Variants in COL25A1 observed in about 807,000 individuals in gnomAD.
COL25A1 encodes collagen alpha-1(XXV) chain.
COL25A1 carries 103 observed loss-of-function variants against 128.4 expected under a neutral mutation model. That is an observed-to-expected ratio of 0.80 (90% confidence interval 0.68 to 0.94). COL25A1 has a LOEUF of 0.94. Among genes scored for constraint, COL25A1 ranks in the 40% least tolerant of loss-of-function variants. The probability of loss-of-function intolerance (pLI) is 0.00; values close to 1 mark genes in which losing one functional copy is unlikely to be tolerated. For missense variants in COL25A1, 745 were observed against 840.0 expected (o/e 0.89, Z 1.40); for synonymous variants, 279 against 277.2 (o/e 1.01, Z -0.06).
rs969055797 is a variant in COL25A1 at position 108,817,191 on chromosome 4, G to A, written c.1962+206C>T. Among the ~76,000 whole-genome samples, 5 of 152,282 alleles carry A rather than the reference G, an allele frequency of 3.3e-5. No individual in the cohort carries two copies. In the South Asian group the frequency reaches 1.0e-3, roughly 32 times the overall value. ...TCCAAAGAAAAGATTAGATAGGGAA[G>A]GTTCCAAATTGCAGTGTTTGCTAAG... On this transcript the variant is annotated intron_variant, in intron 37 of 37. Coordinates refer to ENST00000399132, the MANE Select transcript of COL25A1 (RefSeq NM_198721.4).
chr4:108,889,795 C>A, intron 16 of COL25A1, 62 bp from the exon 17 acceptor site: 5 of 1,450,902 alleles, frequency 3.4e-6, no homozygotes, highest in Non-Finnish European at 4.8e-6. Context: ...ATCACAAGCA[C>A]TCAGAGAGCC....
At chr4:109,146,998 C>CAA (rs145835975) in intron 3 of COL25A1, among the ~76,000 whole-genome samples, 3 of 151,206 alleles carry the variant, frequency 2.0e-5, no homozygotes, top group African/African-American at 7.3e-5. Flanking sequence ...GTGTAAAACC[C>CAA]AAAAAAAACA....
In COL25A1 at chr4:109,048,154, G is replaced by T. The variant is rs778141849; in HGVS notation, c.420+14C>A. On this transcript the variant is annotated intron_variant, in intron 5 of 37. Coordinates refer to ENST00000399132, the MANE Select transcript of COL25A1 (RefSeq NM_198721.4). ...ATAAATGCAAACAAGCCAAAGTGCA[G>T]CAAACATACTTACAGGAGGACCTAT... The T allele has an allele frequency of 1.2e-6, 2 of 1,612,680 alleles. No homozygotes were observed. The highest frequency in any genetic ancestry group is 4.5e-5 in the East Asian group (2 of 44,830).
chr4:108,853,996 T>C (rs528025264), intron 24 of COL25A1: 2 of 152,184 alleles, frequency 1.3e-5, no homozygotes, highest in East Asian at 1.9e-4. Flanking sequence ...TGTATCTTTA[T>C]AGTAGACTGG....
chr4:108,897,790 G>C lies in COL25A1; in HGVS notation c.862-1079C>G, dbSNP rs544318592. The stretch of plus-strand genomic sequence containing the variant: ...CTTGGGAGGGGGGAGAAAGGAAGTT[G>C]GGAAGGCAGACTTTCACTTTTTTCC... On this transcript the variant is annotated intron_variant, in intron 15 of 37. Coordinates refer to ENST00000399132, the MANE Select transcript of COL25A1 (RefSeq NM_198721.4). Among the ~76,000 whole-genome samples, 19 of 152,258 alleles carry C rather than the reference G, an allele frequency of 1.2e-4. No homozygotes were observed. The East Asian group carries it at 3.7e-3, about 29-fold the overall frequency.
At chr4:109,103,507 T>C (rs1434226741) in intron 3 of COL25A1, among the ~76,000 whole-genome samples, 1 of 152,188 alleles carries the variant, frequency 6.6e-6, no homozygotes, top group Non-Finnish European at 1.5e-5. Flanking sequence ...TGCTTATAAG[T>C]CACCAATTTT....
At chr4:108,955,034 A>G (rs1749904584) in intron 8 of COL25A1, among the ~76,000 whole-genome samples, 1 of 152,030 alleles carries the variant, frequency 6.6e-6, no homozygotes, top group Non-Finnish European at 1.5e-5. Context: ...GGATACCGAG[A>G]TAAGTGACCA....
At chr4:108,907,659 A>C (rs1398596598) in intron 13 of COL25A1, among the ~76,000 whole-genome samples, 2 of 152,224 alleles carry the variant, frequency 1.3e-5, no homozygotes, top group East Asian at 3.8e-4. Context: ...ACAAAAAGCC[A>C]CAAAGAGGTA....
At chr4:109,067,371 G>A (rs865806644) in intron 3 of COL25A1, among the ~76,000 whole-genome samples, 1 of 152,058 alleles carries the variant, frequency 6.6e-6, no homozygotes, top group Non-Finnish European at 1.5e-5. Flanking sequence ...ATTGAGCACC[G>A]GGGTCCCCTA....
At chr4:108,897,720 C>G (rs1470153489) in intron 15 of COL25A1, among the ~76,000 whole-genome samples, 1 of 152,154 alleles carries the variant, frequency 6.6e-6, no homozygotes, top group African/African-American at 2.4e-5. Context: ...TTCTATTACT[C>G]AAAAAGTTTC....
At chr4:109,224,554 G>T (rs1054228394) in intron 3 of COL25A1, among the ~76,000 whole-genome samples, 4 of 152,094 alleles carry the variant, frequency 2.6e-5, no homozygotes, top group African/African-American at 9.7e-5. Context: ...TTCAGTCAAA[G>T]AATGTAAATT....
At chr4:109,179,545 C>T (rs560795569) in intron 3 of COL25A1, among the ~76,000 whole-genome samples, 2 of 152,190 alleles carry the variant, frequency 1.3e-5, no homozygotes, top group East Asian at 1.9e-4. Flanking sequence ...TGTGAATATA[C>T]AATCATCTAT....
At chr4:108,962,606 C>T (rs954084301) in intron 8 of COL25A1, among the ~76,000 whole-genome samples, 1 of 152,072 alleles carries the variant, frequency 6.6e-6, no homozygotes, top group Non-Finnish European at 1.5e-5. Context: ...TTTGATACTA[C>T]CTTTCCATCA....
intron 3 of COL25A1, among the ~76,000 whole-genome samples, chr4:109,246,938 T>C (rs1780305992): frequency 6.6e-6 from 1 of 152,152 alleles, no homozygotes; most frequent in African/African-American, 2.4e-5. Context: ...TATAGGAAAC[T>C]TACATCTGAA....
intron 8 of COL25A1, among the ~76,000 whole-genome samples, chr4:108,943,977 T>C (rs1748439644): frequency 6.6e-6 from 1 of 152,206 alleles, no homozygotes; most frequent in South Asian, 2.1e-4. Context: ...TCTACATTTT[T>C]AATTTTATTA....
chr4:108,912,237 G>A (rs72668363), intron 13 of COL25A1, among the ~76,000 whole-genome samples: 117 of 152,178 alleles, frequency 7.7e-4, no homozygotes, highest in Non-Finnish European at 1.4e-3. Flanking sequence ...TGAAATATCT[G>A]TAATAGGAAA....
intron 3 of COL25A1, among the ~76,000 whole-genome samples, chr4:109,272,160 CGA>C (rs964710197): frequency 5.3e-5 from 8 of 151,852 alleles, no homozygotes; most frequent in Non-Finnish European, 1.2e-4. Context: ...CACCTGAGCC[CGA>C]GAGGTCAAGG....
chr4:108,878,350 G>A (rs1203374791), intron 19 of COL25A1, among the ~76,000 whole-genome samples: 2 of 151,280 alleles, frequency 1.3e-5, no homozygotes, highest in African/African-American at 4.9e-5. Flanking sequence ...GTACAGCAGG[G>A]CTTAAAAAAT....
At chr4:109,020,102 T>C (rs981755790) in intron 5 of COL25A1, among the ~76,000 whole-genome samples, 47 of 146,590 alleles carry the variant, frequency 3.2e-4, no homozygotes, top group Non-Finnish European at 5.2e-4. Context: ...AGAGAAGCAA[T>C]TGAAAACATA....
Sources: allele counts gnomAD v4.1 joint callset (sites outside exome capture counted in the v4.1 genomes callset), GRCh38; gene constraint gnomAD v4.1.1; transcripts MANE v1.5; gene names NCBI Gene and HGNC (gene_info 2026-07-23, HGNC 2026-07-21).